GRIK2: variants seen among roughly 807,000 people sequenced by gnomAD.
GRIK2 encodes glutamate receptor ionotropic, kainate 2.
In GRIK2, 32 loss-of-function variants were observed where a neutral mutation model predicts 100.3. That is an observed-to-expected ratio of 0.32 (90% confidence interval 0.24 to 0.43). GRIK2 has a LOEUF of 0.43. Among genes scored for constraint, GRIK2 ranks in the 20% least tolerant of loss-of-function variants. The probability of loss-of-function intolerance (pLI) is 1.00; values close to 1 mark genes in which losing one functional copy is unlikely to be tolerated. For missense variants in GRIK2, 843 were observed against 1,114.9 expected, an observed-to-expected ratio of 0.76 and a Z score of 3.47; for synonymous variants, 417 against 389.4, an observed-to-expected ratio of 1.07 and a Z score of -0.83.
intron 7 of GRIK2, among the ~76,000 whole-genome samples, chr6:101,728,562 G>T (rs963632570): frequency 6.6e-6 from 1 of 151,956 alleles, no homozygotes; most frequent in African/African-American, 2.4e-5. Flanking sequence ...AAAACCAGAT[G>T]GTTTTAAATT....
rs867803874 is a variant in GRIK2 at position 101,760,576 on chromosome 6, A to T, written c.952-39072A>T. The stretch of plus-strand genomic sequence containing the variant: ...TATATATAATTAATTATATTTAATT[A>T]ATTATATATAATTATATATAATTAT... On this transcript the variant is annotated intron_variant, in intron 7 of 16. Coordinates refer to ENST00000369134, the MANE Select transcript of GRIK2 (RefSeq NM_021956.5). 0.014 allele frequency among the ~76,000 whole-genome samples: 1,035 copies of T among 72,040 alleles called. 15 individuals are homozygous for T. The East Asian group carries it at 0.17, about 12-fold the overall frequency. 47.3% of individuals were successfully genotyped at this position (72,040 alleles called of 152,430 possible). A position where few individuals can be genotyped will look rare whatever the true frequency, so the allele number is the denominator to read the frequency against.
intron 15 of GRIK2, among the ~76,000 whole-genome samples, chr6:102,039,177 T>A (rs1196135038): frequency 6.6e-6 from 1 of 151,462 alleles, no homozygotes; most frequent in Non-Finnish European, 1.5e-5. Context: ...AAGTGTGCTG[T>A]GAGATCGCTG....
chr6:101,708,241 G>T (rs1346388766), intron 7 of GRIK2, among the ~76,000 whole-genome samples: 1 of 151,548 alleles, frequency 6.6e-6, no homozygotes, highest in African/African-American at 2.4e-5. Context: ...AGCTCAACTT[G>T]AGATACAGAA....
In GRIK2 at chr6:101,926,380, T is replaced by C. The variant is rs9498749; in HGVS notation, c.1867+1661T>C. ...CTGCTAGTCGTCTGTTAATAATTAG[T>C]AGTCTGGAGGGAGTTATCCTCATAA... is the stretch of plus-strand genomic sequence containing the variant. On this transcript the variant is annotated intron_variant, in intron 13 of 16. Coordinates refer to ENST00000369134, the MANE Select transcript of GRIK2 (RefSeq NM_021956.5). 9.0e-3 allele frequency among the ~76,000 whole-genome samples: 1,368 copies of C among 152,146 alleles called. 19 individuals carry two copies. Among genetic ancestry groups the C allele is most frequent in the African/African-American group, 0.031 (1,283 of 41,524 alleles).
chr6:101,595,718 G>GTGTATATATATATATATA (rs1212283441), intron 2 of GRIK2, among the ~76,000 whole-genome samples: 2 of 122,328 alleles, frequency 1.6e-5, no homozygotes, highest in African/African-American at 6.4e-5. Flanking sequence ...GTGTGTGTGT[G>GTGTATATATATATATATA]TATATATATA....
chr6:101,460,297 T>C (rs1213995685), intron 2 of GRIK2, among the ~76,000 whole-genome samples: 2 of 152,172 alleles, frequency 1.3e-5, no homozygotes, highest in African/African-American at 4.8e-5. Flanking sequence ...AGGACAAATG[T>C]TCAAAGGAGA....
At chr6:101,977,624 T>A (rs191643768) in intron 14 of GRIK2, among the ~76,000 whole-genome samples, 3 of 151,878 alleles carry the variant, frequency 2.0e-5, no homozygotes, top group Non-Finnish European at 4.4e-5. Context: ...GAGCATAGGA[T>A]GTGTGGCTTT....
At chr6:101,760,921 GTGTC>G (rs1777614283) in intron 7 of GRIK2, among the ~76,000 whole-genome samples, 2 of 151,230 alleles carry the variant, frequency 1.3e-5, no homozygotes, top group South Asian at 2.1e-4. Flanking sequence ...CATCTACACA[GTGTC>G]TGTCTCATAT....
chr6:101,576,320 A>G (rs1777785342), intron 2 of GRIK2, among the ~76,000 whole-genome samples: 1 of 152,056 alleles, frequency 6.6e-6, no homozygotes, highest in Non-Finnish European at 1.5e-5. Context: ...GCCTGAAAGA[A>G]TTTTGGAAAT....
chr6:101,420,656 T>C (rs545726546), intron 2 of GRIK2, among the ~76,000 whole-genome samples: 3 of 152,134 alleles, frequency 2.0e-5, no homozygotes, highest in Non-Finnish European at 4.4e-5. Flanking sequence ...GAACCCCTAA[T>C]TATCCTAATG....
intron 2 of GRIK2, among the ~76,000 whole-genome samples, chr6:101,534,543 G>A (rs1169179391): frequency 2.6e-5 from 4 of 151,746 alleles, no homozygotes; most frequent in Non-Finnish European, 5.9e-5. Flanking sequence ...TGCAATCTGT[G>A]GAAACTCTTG....
intron 2 of GRIK2, among the ~76,000 whole-genome samples, chr6:101,598,857 TTA>T (rs1245913935): frequency 6.6e-6 from 1 of 151,554 alleles, no homozygotes; most frequent in Non-Finnish European, 1.5e-5. Context: ...CATCATAATT[TTA>T]TGTTTTAGGG....
intron 14 of GRIK2, among the ~76,000 whole-genome samples, chr6:101,964,320 A>G (rs1043309047): frequency 1.6e-4 from 25 of 152,044 alleles, no homozygotes; most frequent in Non-Finnish European, 2.9e-5. Context: ...ATTGTTATCA[A>G]TTGTGAATGT....
At chr6:101,953,450 G>T (rs1791724289) in intron 14 of GRIK2, among the ~76,000 whole-genome samples, 1 of 152,088 alleles carries the variant, frequency 6.6e-6, no homozygotes, top group African/African-American at 2.4e-5. Flanking sequence ...TATGATTATA[G>T]CCATCCTAGT....
intron 2 of GRIK2, among the ~76,000 whole-genome samples, chr6:101,451,254 G>A (rs1464313297): frequency 2.0e-5 from 3 of 151,542 alleles, no homozygotes; most frequent in African/African-American, 7.3e-5. Context: ...TTGTCATTCC[G>A]TAGCCTCCTT....
chr6:102,061,506 G>A (rs994456329), intron 16 of GRIK2, among the ~76,000 whole-genome samples: 2 of 150,510 alleles, frequency 1.3e-5, no homozygotes, highest in East Asian at 1.9e-4. Context: ...GAAATATATG[G>A]ATTAGGAGTT....
At chr6:101,470,643 T>A (rs996056676) in intron 2 of GRIK2, among the ~76,000 whole-genome samples, 1 of 152,146 alleles carries the variant, frequency 6.6e-6, no homozygotes, top group Non-Finnish European at 1.5e-5. Context: ...AGTAGGGTGA[T>A]GGTTCAAGCC....
chr6:102,009,129 T>C (rs1409705216), intron 14 of GRIK2, among the ~76,000 whole-genome samples: 1 of 152,100 alleles, frequency 6.6e-6, no homozygotes, highest in Non-Finnish European at 1.5e-5. Context: ...AGATGGTTTA[T>C]GTAGATATGT....
chr6:101,826,293 G>A (rs947949991), intron 10 of GRIK2, among the ~76,000 whole-genome samples: 1 of 152,056 alleles, frequency 6.6e-6, no homozygotes, highest in African/African-American at 2.4e-5. Context: ...TAGGAAAGAG[G>A]AAAGAGATGG....
Sources: gnomAD v4.1 joint callset for allele counts (sites outside exome capture counted in the v4.1 genomes callset) on GRCh38, gnomAD v4.1.1 for gene constraint, MANE v1.5 for transcripts, NCBI Gene and HGNC (gene_info 2026-07-23, HGNC 2026-07-21) for gene names.